Variants in POC5 observed in about 807,000 individuals in gnomAD.
POC5 encodes centrosomal protein POC5.
A neutral mutation model predicts 62.9 loss-of-function variants in POC5; 48 were observed. The ratio of observed to expected loss-of-function variants is 0.76; its 90% CI spans 0.61 to 0.97. The LOEUF (loss-of-function observed/expected upper bound fraction) is 0.97. POC5 is among the 50% of genes least tolerant of loss of function. The pLI is 0.00. For synonymous variants in POC5, 236 were observed against 228.2 expected (o/e 1.03, Z -0.31); for missense variants, 696 against 679.5 (o/e 1.02, Z -0.27).
rs1452700301 is a variant in POC5, at chr5:75,674,436, T to C, written c.1727A>G (p.Ter576=). The C allele has an allele frequency of 5.6e-6, 9 of 1,613,690 alleles. No homozygotes were observed. The highest frequency in any genetic ancestry group is 2.7e-5 in the African/African-American group (2 of 74,932). The stretch of plus-strand genomic sequence containing the variant: ...GACCCCACTATGGACATATTCACTT[T>C]AGTCAACCACTTTTATGGAATGAAC... ...TSVHSIKVVD[*] Residue 576 remains the stop codon, a stop_retained_variant, in exon 12 of 12, where the codon TAA becomes TGA. Transcript: ENST00000428202.
intron 7 of POC5, among the ~76,000 whole-genome samples, chr5:75,691,699 C>T (rs2112122759): frequency 6.8e-6 from 1 of 145,994 alleles, no homozygotes. Flanking sequence ...CATGAATATA[C>T]ATGGAAAGCA....
chr5:75,679,819 A>G (rs563779968), intron 10 of POC5, among the ~76,000 whole-genome samples: 1 of 152,146 alleles, frequency 6.6e-6, no homozygotes, highest in Non-Finnish European at 1.5e-5. Context: ...ATCTGTAATA[A>G]GTTAACAGAT....
intron 4 of POC5, among the ~76,000 whole-genome samples, chr5:75,703,052 A>G (rs963609040): frequency 5.3e-5 from 8 of 152,164 alleles, no homozygotes; most frequent in African/African-American, 1.7e-4. Flanking sequence ...AATGACCTCT[A>G]TCCCAGATAA....
At chr5:75,700,271 A>G (rs1251184664) in intron 5 of POC5, among the ~76,000 whole-genome samples, 1 of 151,956 alleles carries the variant, frequency 6.6e-6, no homozygotes, top group Non-Finnish European at 1.5e-5. Context: ...GTCAATCCTG[A>G]GCCAAAAGAA....
chr5:75,697,395 C>T (rs1776653462), intron 5 of POC5, among the ~76,000 whole-genome samples: 1 of 151,978 alleles, frequency 6.6e-6, no homozygotes, highest in South Asian at 2.1e-4. Flanking sequence ...GAGTGGGGGC[C>T]AATATTCAAC....
chr5:75,706,096 G>A (rs1192416620), intron 3 of POC5, among the ~76,000 whole-genome samples: 1 of 152,150 alleles, frequency 6.6e-6, no homozygotes, highest in Admixed American at 6.5e-5. Context: ...CTTAGAAAAG[G>A]ATCTGCTCTC....
chr5:75,701,362 C>T (rs1346211859), intron 5 of POC5, among the ~76,000 whole-genome samples: 1 of 124,526 alleles, frequency 8.0e-6, no homozygotes, highest in Non-Finnish European at 1.8e-5. Flanking sequence ...AAATGTGGCA[C>T]ATATACACCA....
Position 75,685,481 on chromosome 5 carries a change from A to G in POC5, c.1133T>C (p.Ile378Thr), listed in dbSNP as rs775658173. ...TIFQNRNDAG[I>T]DSTNNKKEEY... ...TTCCTTTTTATTATTTGTGGAGTCTATCCCTATAAATCACAAATTAATTCC... is the reference window on the plus strand; with the variant it reads ...TTCCTTTTTATTATTTGTGGAGTCTGTCCCTATAAATCACAAATTAATTCC... The change falls in exon 10 of 12, where the codon ATA becomes ACA. Residue 378 changes from isoleucine to threonine, a missense_variant. Physicochemically the swap from Ile to Thr is moderately conservative, Grantham distance 89. Transcript: ENST00000428202. 3 of 1,603,048 alleles carry G rather than the reference A, an allele frequency of 1.9e-6. No homozygotes were observed. The highest frequency in any genetic ancestry group is 2.6e-6 in the Non-Finnish European group (3 of 1,171,210).
At position 75,712,233 on chromosome 5, in the gene POC5, A is replaced by G. The variant is rs1235484667; in HGVS notation, c.84+621T>C. On this transcript the variant is annotated intron_variant, in intron 2 of 11. Coordinates refer to ENST00000428202, the MANE Select transcript of POC5 (RefSeq NM_001099271.2). ...TCCCCTTGAGTAATACAACTGTAAAATTTAAGATATACCATGTCATTATTC... is the reference window on the plus strand; with the variant it reads ...TCCCCTTGAGTAATACAACTGTAAAGTTTAAGATATACCATGTCATTATTC... 3 of 1,095,082 alleles carry G rather than the reference A, an allele frequency of 2.7e-6. No individual in the cohort carries two copies. In the East Asian group the frequency reaches 7.9e-5, roughly 29 times the overall value. 67.8% of individuals were successfully genotyped at this position (1,095,082 alleles called of 1,614,324 possible).
intron 10 of POC5, among the ~76,000 whole-genome samples, chr5:75,684,695 C>G (rs913393484): frequency 6.6e-6 from 1 of 151,934 alleles, no homozygotes; most frequent in Non-Finnish European, 1.5e-5. Context: ...TAAAAAAGTT[C>G]TTTGTCTTAA....
intron 5 of POC5, among the ~76,000 whole-genome samples, chr5:75,699,470 A>G (rs551985450): frequency 6.6e-6 from 1 of 151,218 alleles, no homozygotes; most frequent in South Asian, 2.1e-4. Flanking sequence ...CAAAAACCAC[A>G]TGATTATCTC....
At chr5:75,675,263 C>CAT (rs58637662) in intron 11 of POC5, among the ~76,000 whole-genome samples, 39,098 of 151,954 alleles carry the variant, frequency 0.26, 6,075 homozygotes, top group East Asian at 0.43. Context: ...TACATGTAAA[C>CAT]ATGAACAATA....
intron 1 of POC5, among the ~76,000 whole-genome samples, chr5:75,715,156 A>G (rs533662961): frequency 6.6e-6 from 1 of 151,972 alleles, no homozygotes; most frequent in South Asian, 2.1e-4. Context: ...ACTAAATACA[A>G]AAAATTAGCC....
intron 3 of POC5, 84 bp downstream of exon 3, chr5:75,707,653 C>T: frequency 9.0e-7 from 1 of 1,109,690 alleles, no homozygotes; most frequent in Non-Finnish European, 1.3e-6. Context: ...CTGATCTGGA[C>T]AGGCATTTTC....
chr5:75,716,386 G>C (rs930059225), intron 1 of POC5, among the ~76,000 whole-genome samples: 58 of 53,434 alleles, frequency 1.1e-3, no homozygotes, highest in Middle Eastern at 7.8e-3. Context: ...ACAGGGGTGG[G>C]GGGGGGGGGG....
At chr5:75,688,079 T>C (rs1359491352) in intron 9 of POC5, among the ~76,000 whole-genome samples, 1 of 152,202 alleles carries the variant, frequency 6.6e-6, no homozygotes, top group Non-Finnish European at 1.5e-5. Flanking sequence ...AACTTACTCC[T>C]ATCCACAATA....
intron 5 of POC5, among the ~76,000 whole-genome samples, chr5:75,695,840 G>A (rs1320542434): frequency 6.6e-6 from 1 of 152,162 alleles, no homozygotes; most frequent in Non-Finnish European, 1.5e-5. Context: ...AGTGGGCGCA[G>A]GACAGTGGGT....
chr5:75,712,478 T>C (rs1777390016), intron 2 of POC5: 1 of 1,573,114 alleles, frequency 6.4e-7, no homozygotes, highest in African/African-American at 1.4e-5. Flanking sequence ...CAAGGGAATC[T>C]TGAGCTCTAG....
At chr5:75,711,896 A>G (rs1777358858) in intron 2 of POC5, among the ~76,000 whole-genome samples, 1 of 152,342 alleles carries the variant, frequency 6.6e-6, no homozygotes, top group South Asian at 2.1e-4. Context: ...TTTAGTATAA[A>G]TGAGTTAATC....
Sources: allele counts gnomAD v4.1 joint callset (sites outside exome capture counted in the v4.1 genomes callset), GRCh38; gene constraint gnomAD v4.1.1; transcripts MANE v1.5; gene names NCBI Gene and HGNC (gene_info 2026-07-23, HGNC 2026-07-21).